Variants in STT3B observed in about 807,000 individuals in gnomAD.
The protein encoded by STT3B is STT3 oligosaccharyltransferase complex catalytic subunit B, also known as dolichyl-diphosphooligosaccharide--protein glycosyltransferase subunit STT3B.
In STT3B, 29 loss-of-function variants were observed where a neutral mutation model predicts 96.8. The ratio of observed to expected loss-of-function variants is 0.30; its 90% CI spans 0.22 to 0.41. The LOEUF is 0.41. STT3B is among the 10% of genes least tolerant of loss of function. The pLI is 1.00. For missense variants in STT3B, 640 were observed against 1,022.3 expected (o/e 0.63, Z 5.10); for synonymous variants, 367 against 360.0 (o/e 1.02, Z -0.22).
chr3:31,607,400 G>A (rs764491346), intron 5 of STT3B, among the ~76,000 whole-genome samples: 17 of 152,194 alleles, frequency 1.1e-4, no homozygotes, highest in East Asian at 1.9e-4. Context: ...GGAGAGACCC[G>A]GTGGGAAATG....
chr3:31,619,650 A>C, intron 8 of STT3B, 26 bp from the exon 9 acceptor site: 1 of 1,587,806 alleles, frequency 6.3e-7, no homozygotes, highest in African/African-American at 1.4e-5. Context: ...CTTAATTGTA[A>C]ACAATATTAA....
intron 3 of STT3B, among the ~76,000 whole-genome samples, chr3:31,584,973 A>G (rs1392909045): frequency 1.3e-5 from 2 of 152,138 alleles, no homozygotes; most frequent in Non-Finnish European, 2.9e-5. Context: ...TTGTAGCCCA[A>G]ATGAAGTTAT....
intron 8 of STT3B, 56 bp from the exon 9 acceptor site, chr3:31,619,620 A>G: frequency 1.4e-6 from 2 of 1,454,508 alleles, no homozygotes; most frequent in Non-Finnish European, 1.9e-6. Flanking sequence ...CTTCATCTAA[A>G]AGGAACTCCT....
chr3:31,596,818 G>T lies in STT3B; in HGVS notation c.732G>T (p.Gly244=), dbSNP rs1698803163. 6.2e-7 allele frequency: 1 copy of T among 1,612,060 alleles called. No individual in the cohort carries two copies. Among genetic ancestry groups the T allele is most frequent in the Non-Finnish European group, 8.5e-7 (1 of 1,178,746 alleles). The part of the protein sequence containing the change: ...YYLWVKSVKT[G]SVFWTMCCCL... The stretch of plus-strand genomic sequence containing the variant: ...TTTAGGTAAAATCTGTAAAAACTGG[G>T]TCAGTTTTTTGGACAATGTGCTGCT... The change falls in exon 4 of 16, where the codon GGG becomes GGT. Residue 244 remains glycine, a synonymous_variant. Transcript: ENST00000295770.
chr3:31,560,834 C>T (rs998878581), intron 1 of STT3B, among the ~76,000 whole-genome samples: 3 of 152,094 alleles, frequency 2.0e-5, no homozygotes, highest in Non-Finnish European at 4.4e-5. Context: ...TATTTTGTTA[C>T]ATAGGCTTTT....
chr3:31,533,343 T>G (rs1396472458), intron 1 of STT3B, 31 bp downstream of exon 1: 1 of 1,477,730 alleles, frequency 6.8e-7, no homozygotes, highest in Non-Finnish European at 9.0e-7. Flanking sequence ...CCCCCGCCCG[T>G]GGCCCGCGGG....
intron 13 of STT3B, 173 bp from the exon 14 acceptor site, chr3:31,629,125 G>T: frequency 1.8e-6 from 1 of 553,728 alleles, no homozygotes; most frequent in Non-Finnish European, 3.2e-6. Flanking sequence ...AATTATTAAG[G>T]CCTTATAACA....
chr3:31,548,570 T>A (rs759504706), intron 1 of STT3B, among the ~76,000 whole-genome samples: 34 of 152,338 alleles, frequency 2.2e-4, no homozygotes, highest in Admixed American at 5.9e-4. Flanking sequence ...ATTTTAAATA[T>A]GTTAAGGATG....
intron 13 of STT3B, among the ~76,000 whole-genome samples, chr3:31,626,440 C>G (rs1382711285): frequency 1.3e-5 from 2 of 152,100 alleles, no homozygotes; most frequent in East Asian, 1.9e-4. Flanking sequence ...CTAGTACTTA[C>G]CCTTATGCTT....
At chr3:31,635,578 T>C (rs946081634) in intron 15 of STT3B, among the ~76,000 whole-genome samples, 4 of 152,186 alleles carry the variant, frequency 2.6e-5, no homozygotes, top group African/African-American at 9.6e-5. Context: ...TAAGAGTTAC[T>C]AAGTTAACGT....
intron 6 of STT3B, among the ~76,000 whole-genome samples, chr3:31,615,555 A>G (rs906057495): frequency 5.9e-5 from 9 of 151,914 alleles, no homozygotes; most frequent in Non-Finnish European, 1.2e-4. Context: ...AAGAATCACT[A>G]TCTTACTGTT....
chr3:31,538,910 A>G (rs1418827404), intron 1 of STT3B, among the ~76,000 whole-genome samples: 1 of 152,114 alleles, frequency 6.6e-6, no homozygotes, highest in East Asian at 1.9e-4. Context: ...GAATTTAGAA[A>G]TTGATAGAAA....
At chr3:31,576,981 T>C (rs1698278801) in intron 2 of STT3B, among the ~76,000 whole-genome samples, 1 of 152,094 alleles carries the variant, frequency 6.6e-6, no homozygotes, top group Admixed American at 6.6e-5. Flanking sequence ...ACTTCTGATA[T>C]CCAGAAAGAT....
intron 1 of STT3B, among the ~76,000 whole-genome samples, chr3:31,546,319 T>C (rs1027428641): frequency 6.6e-6 from 1 of 152,172 alleles, no homozygotes; most frequent in Non-Finnish European, 1.5e-5. Flanking sequence ...CTCAATAGGC[T>C]GTAGTCAGCT....
chr3:31,579,736 TGA>T (rs1698342358), intron 2 of STT3B, 71 bp from the exon 3 acceptor site: 2 of 1,177,980 alleles, frequency 1.7e-6, no homozygotes, highest in African/African-American at 3.1e-5. Context: ...AATGTAATGA[TGA>T]AGAGTACATA....
chr3:31,532,991 G>A lies in STT3B; in HGVS notation c.-8G>A, dbSNP rs1314923925. The A allele has an allele frequency of 2.5e-6, 4 of 1,586,166 alleles. No homozygotes were observed. The highest frequency in any genetic ancestry group is 3.4e-6 in the Non-Finnish European group (4 of 1,167,924). Reference sequence around the variant, plus strand: ...GGAGGAGAGCTAGACCCGCCGCCGGGGCACAACATGGCGGAGCCCTCGGCC... The same window carrying A: ...GGAGGAGAGCTAGACCCGCCGCCGGAGCACAACATGGCGGAGCCCTCGGCC... On this transcript the variant is annotated 5_prime_UTR_variant, in exon 1 of 16. Coordinates refer to ENST00000295770, the MANE Select transcript of STT3B (RefSeq NM_178862.3).
At chr3:31,560,434 T>G (rs1697847882) in intron 1 of STT3B, among the ~76,000 whole-genome samples, 1 of 152,124 alleles carries the variant, frequency 6.6e-6, no homozygotes, top group African/African-American at 2.4e-5. Context: ...GCATTTCTTG[T>G]AGGCTAGTGT....
intron 1 of STT3B, among the ~76,000 whole-genome samples, chr3:31,535,150 G>A (rs1697055903): frequency 6.6e-6 from 1 of 151,932 alleles, no homozygotes; most frequent in African/African-American, 2.4e-5. Context: ...TAGTAACTCT[G>A]GGGCTGAAAT....
At chr3:31,593,974 T>C (rs1698729150) in intron 3 of STT3B, among the ~76,000 whole-genome samples, 2 of 152,300 alleles carry the variant, frequency 1.3e-5, no homozygotes, top group South Asian at 4.1e-4. Flanking sequence ...TCTTTGCATG[T>C]CTTATAGTTT....
Sources: allele counts gnomAD v4.1 joint callset (sites outside exome capture counted in the v4.1 genomes callset), GRCh38; gene constraint gnomAD v4.1.1; transcripts MANE v1.5; gene names NCBI Gene and HGNC (gene_info 2026-07-23, HGNC 2026-07-21).